EPHA7: variants seen among roughly 807,000 people sequenced by gnomAD.
EPHA7 encodes the protein ephrin type-A receptor 7.
In EPHA7, 25 loss-of-function variants were observed where a neutral mutation model predicts 112.6. The ratio of observed to expected loss-of-function variants is 0.22; its 90% CI spans 0.16 to 0.31. EPHA7 has a LOEUF of 0.31. EPHA7 is among the 10% of genes least tolerant of loss of function. EPHA7 has a pLI of 1.00. For missense variants in EPHA7, 962 were observed against 1,212.6 expected (o/e 0.79, Z 3.07); for synonymous variants, 437 against 406.5 (o/e 1.07, Z -0.90).
At chr6:93,260,454 A>T in intron 9 of EPHA7, 1 of 785,876 alleles carries the variant, frequency 1.3e-6, no homozygotes, top group Non-Finnish European at 1.5e-6. Flanking sequence ...TGGTTATATT[A>T]ATGCAATAAA....
At chr6:93,302,961 A>G (rs1773066192) in intron 5 of EPHA7, among the ~76,000 whole-genome samples, 1 of 152,142 alleles carries the variant, frequency 6.6e-6, no homozygotes, top group South Asian at 2.1e-4. Flanking sequence ...GTTAGCTGAT[A>G]AGGTAGCCTG....
At chr6:93,418,671 C>T (rs144465270) in intron 1 of EPHA7, among the ~76,000 whole-genome samples, 2,856 of 152,282 alleles carry the variant, frequency 0.019, 37 homozygotes, top group Non-Finnish European at 0.027. Context: ...GGCGGCCGAG[C>T]GCCAACCGCA....
intron 3 of EPHA7, among the ~76,000 whole-genome samples, chr6:93,374,101 T>TA (rs913731441): frequency 2.6e-5 from 4 of 151,978 alleles, no homozygotes; most frequent in Admixed American, 6.6e-5. Flanking sequence ...CCAGAGCTTT[T>TA]AAAAAAAATA....
chr6:93,276,760 G>T (rs992830419), intron 5 of EPHA7, among the ~76,000 whole-genome samples: 1 of 152,048 alleles, frequency 6.6e-6, no homozygotes, highest in Non-Finnish European at 1.5e-5. Context: ...TATTGACCTT[G>T]ATTAAGACCC....
intron 3 of EPHA7, among the ~76,000 whole-genome samples, chr6:93,384,088 A>G: frequency 6.6e-6 from 1 of 152,182 alleles, no homozygotes; most frequent in East Asian, 1.9e-4. Flanking sequence ...AAAAATATTA[A>G]AATTATTGAC....
intron 5 of EPHA7, among the ~76,000 whole-genome samples, chr6:93,354,283 A>G (rs1775835268): frequency 6.6e-6 from 1 of 152,032 alleles, no homozygotes; most frequent in South Asian, 2.1e-4. Flanking sequence ...TACTCACACA[A>G]AAGAACAATA....
intron 5 of EPHA7, among the ~76,000 whole-genome samples, chr6:93,329,456 A>T (rs1298579160): frequency 6.6e-6 from 1 of 151,438 alleles, no homozygotes; most frequent in Non-Finnish European, 1.5e-5. Flanking sequence ...TAGCAACAGC[A>T]TATGGGCCAA....
rs190609855 is a variant in EPHA7 at position 93,354,997 on chromosome 6, G to A, written c.1324+1720C>T. Reference sequence around the variant, plus strand: ...AATGCTTCCAAAAGATAGCTCTTATGTCAAAATCATAAACCTAAAAACGTT... The same window carrying A: ...AATGCTTCCAAAAGATAGCTCTTATATCAAAATCATAAACCTAAAAACGTT... On this transcript the variant is annotated intron_variant, in intron 5 of 16. Coordinates refer to ENST00000369303, the MANE Select transcript of EPHA7 (RefSeq NM_004440.4). 4.5e-4 allele frequency among the ~76,000 whole-genome samples: 60 copies of A among 133,322 alleles called. No homozygotes were observed. In the East Asian group the frequency reaches 0.014, roughly 30 times the overall value. The allele number at this position is 133,322 out of a possible 152,430, so 87.5% of individuals were successfully genotyped here. A position where few individuals can be genotyped will look rare whatever the true frequency, so the allele number is the denominator to read the frequency against.
intron 5 of EPHA7, among the ~76,000 whole-genome samples, chr6:93,354,524 T>C (rs896259586): frequency 1.3e-5 from 2 of 149,502 alleles, no homozygotes; most frequent in Non-Finnish European, 3.0e-5. Context: ...GCATAAAATG[T>C]ACTCATTTTA....
intron 3 of EPHA7, among the ~76,000 whole-genome samples, chr6:93,392,748 T>A (rs1318205833): frequency 3.9e-5 from 6 of 151,908 alleles, no homozygotes. Flanking sequence ...GCAAAATGTA[T>A]GCATGTCAAA....
At chr6:93,406,261 G>A (rs532018441) in intron 3 of EPHA7, among the ~76,000 whole-genome samples, 34 of 151,534 alleles carry the variant, frequency 2.2e-4, no homozygotes, top group African/African-American at 8.0e-4. Context: ...TCTGATATAT[G>A]TGCATGTAAA....
At chr6:93,343,388 CAA>C (rs1474278941) in intron 5 of EPHA7, among the ~76,000 whole-genome samples, 1 of 151,486 alleles carries the variant, frequency 6.6e-6, no homozygotes, top group African/African-American at 2.4e-5. Flanking sequence ...TAAAAAAATT[CAA>C]AGTCAAACAC....
At chr6:93,337,000 G>A (rs371566814) in intron 5 of EPHA7, among the ~76,000 whole-genome samples, 1 of 152,090 alleles carries the variant, frequency 6.6e-6, no homozygotes, top group Non-Finnish European at 1.5e-5. Context: ...GACATAAAAA[G>A]GAAGTATCAA....
chr6:93,365,370 T>A (rs909260417), intron 3 of EPHA7, among the ~76,000 whole-genome samples: 1 of 152,238 alleles, frequency 6.6e-6, no homozygotes, highest in Non-Finnish European at 1.5e-5. Flanking sequence ...TTATTGCAGA[T>A]GAATATTCAT....
At chr6:93,396,220 C>T (rs955673736) in intron 3 of EPHA7, among the ~76,000 whole-genome samples, 2 of 151,908 alleles carry the variant, frequency 1.3e-5, no homozygotes, top group Non-Finnish European at 2.9e-5. Flanking sequence ...ATCAAAATCT[C>T]ATGCCATTTT....
Position 93,410,293 on chromosome 6 carries a change from C to T in EPHA7, c.832+208G>A. 1 of 552,804 alleles carries T rather than the reference C, an allele frequency of 1.8e-6. No individual in the cohort carries two copies. The allele number at this position is 552,804 out of a possible 1,614,324, so 34.2% of individuals were successfully genotyped here. A position where few individuals can be genotyped will look rare whatever the true frequency, so the allele number is the denominator to read the frequency against. On this transcript the variant is annotated intron_variant, in intron 3 of 16. Coordinates refer to ENST00000369303, the MANE Select transcript of EPHA7 (RefSeq NM_004440.4). The surrounding 1 kb of genome is among the most constrained non-coding windows in gnomAD (Gnocchi z 4.0). The stretch of plus-strand genomic sequence containing the variant: ...CACATTAAATTTTAGTAACAAATTT[C>T]ATTATCACCTATATTGATTACATAC...
At chr6:93,361,513 G>T (rs1776259903) in intron 3 of EPHA7, among the ~76,000 whole-genome samples, 1 of 152,014 alleles carries the variant, frequency 6.6e-6, no homozygotes, top group South Asian at 2.1e-4. Flanking sequence ...TACTCAATGA[G>T]ATAAAGCAGG....
At chr6:93,308,811 T>C (rs1428492056) in intron 5 of EPHA7, among the ~76,000 whole-genome samples, 1 of 152,090 alleles carries the variant, frequency 6.6e-6, no homozygotes. Flanking sequence ...AAAGGCATCA[T>C]TCCTAATGGC....
intron 5 of EPHA7, among the ~76,000 whole-genome samples, chr6:93,303,826 A>T (rs1773115224): frequency 6.6e-6 from 1 of 152,078 alleles, no homozygotes; most frequent in Non-Finnish European, 1.5e-5. Context: ...ATGTCCAAGG[A>T]ACTCCACCTA....
Sources: allele counts gnomAD v4.1 joint callset (sites outside exome capture counted in the v4.1 genomes callset), GRCh38; gene constraint gnomAD v4.1.1; non-coding constraint Gnocchi (gnomAD v3.1); transcripts MANE v1.5; gene names NCBI Gene and HGNC (gene_info 2026-07-23, HGNC 2026-07-21).